Variants in OVCH1 observed in about 807,000 individuals in gnomAD.
The protein encoded by OVCH1 is ovochymase-1.
OVCH1 carries 139 observed loss-of-function variants against 138.4 expected under a neutral mutation model. The ratio of observed to expected loss-of-function variants is 1.00; its 90% CI spans 0.87 to 1.16. The LOEUF (loss-of-function observed/expected upper bound fraction) is 1.16. OVCH1 is among the 50% of genes most tolerant of loss of function. The probability of loss-of-function intolerance (pLI) is 0.00; values close to 1 mark genes in which losing one functional copy is unlikely to be tolerated. For missense variants in OVCH1, 1,367 were observed against 1,357.9 expected (o/e 1.01, Z -0.11); for synonymous variants, 453 against 467.8 (o/e 0.97, Z 0.41).
chr12:29,443,565 C>T, intron 24 of OVCH1, 65 bp from the exon 25 acceptor site: 2 of 1,424,406 alleles, frequency 1.4e-6, no homozygotes, highest in Non-Finnish European at 1.9e-6. Context: ...AGTTATTTTG[C>T]TCAGAAATTA....
chr12:29,445,268 C>T lies in OVCH1; in HGVS notation c.2881+10G>A. 1 of 1,601,214 alleles carries T rather than the reference C, an allele frequency of 6.2e-7. No homozygotes were observed. The highest frequency in any genetic ancestry group is 8.5e-7 in the Non-Finnish European group (1 of 1,173,426). On this transcript the variant is annotated intron_variant, in intron 23 of 27. Coordinates refer to ENST00000318184, the Ensembl canonical transcript of OVCH1. ...TAGCCTTTACAAGTTTATAAAATAA[C>T]CAAACATACCTAGGACTTTCAAGAC...
chr12:29,496,711 C>T (rs760894556), intron 1 of OVCH1, 37 bp from the exon 2 acceptor site: 12 of 1,455,922 alleles, frequency 8.2e-6, no homozygotes, highest in East Asian at 6.9e-5. Flanking sequence ...ACACACAGAG[C>T]CTTATGTAAG....
At chr12:29,424,909 A>T (rs973152601), downstream of OVCH1, among the ~76,000 whole-genome samples, 55 of 152,350 alleles carry the variant, frequency 3.6e-4, no homozygotes, top group African/African-American at 1.3e-3. Flanking sequence ...GCAAATTATT[A>T]GACAGATGGT....
chr12:29,492,014 G>A (rs1943286718), intron 4 of OVCH1, among the ~76,000 whole-genome samples: 2 of 152,140 alleles, frequency 1.3e-5, no homozygotes, highest in Admixed American at 6.5e-5. Context: ...TGGGTGAGAG[G>A]AGAAGAAACA....
intron 4 of OVCH1, 45 bp downstream of exon 4, chr12:29,495,239 AG>A: frequency 6.6e-7 from 1 of 1,516,856 alleles, no homozygotes; most frequent in Non-Finnish European, 9.0e-7. Flanking sequence ...CATAATTAGC[AG>A]TTTTCCTCCA....
At chr12:29,463,816 CCCT>C (rs1942221330) in intron 18 of OVCH1, among the ~76,000 whole-genome samples, 1 of 152,086 alleles carries the variant, frequency 6.6e-6, no homozygotes, top group Non-Finnish European at 1.5e-5. Flanking sequence ...AATATAAATT[CCCT>C]CCTCCTTCAA....
chr12:29,437,143 G>A (rs1941379189), intron 26 of OVCH1, among the ~76,000 whole-genome samples: 1 of 152,134 alleles, frequency 6.6e-6, no homozygotes, highest in Non-Finnish European at 1.5e-5. Context: ...GACACAGTGT[G>A]CTGATTGGTG....
At chr12:29,426,954 G>C (rs1033529203), downstream of OVCH1, among the ~76,000 whole-genome samples, 5 of 152,154 alleles carry the variant, frequency 3.3e-5, no homozygotes, top group Non-Finnish European at 7.4e-5. Context: ...ACATGGATTG[G>C]ACAGTGCAGG....
rs909831525 is a variant in OVCH1 at position 29,446,719 on chromosome 12, G to C, written c.2756-1316C>G. ...AATAATATAGTATATTATTGAAATAGTGCTATCAATTGGGAAGAAAAAGAC... is the reference window on the plus strand; with the variant it reads ...AATAATATAGTATATTATTGAAATACTGCTATCAATTGGGAAGAAAAAGAC... On this transcript the variant is annotated intron_variant, in intron 22 of 27. Coordinates refer to ENST00000318184, the Ensembl canonical transcript of OVCH1. Among the ~76,000 whole-genome samples the C allele has an allele frequency of 2.0e-5, 3 of 151,998 alleles. No individual in the cohort carries two copies. The East Asian group carries it at 5.8e-4, about 29-fold the overall frequency.
At chr12:29,415,790 C>T (rs1023035014) in intron 3 of OVCH1, among the ~76,000 whole-genome samples, 7 of 152,112 alleles carry the variant, frequency 4.6e-5, no homozygotes, top group Admixed American at 6.5e-5. Context: ...CTGTTGTAGA[C>T]ATAGCAAGCT....
At chr12:29,441,554 G>C (rs140112345) in intron 25 of OVCH1, among the ~76,000 whole-genome samples, 6,597 of 152,192 alleles carry the variant, frequency 0.043, 448 homozygotes, top group African/African-American at 0.14. Context: ...TCAGGACATA[G>C]ACATGGGCAA....
chr12:29,433,570 A>T (rs1193203741), intron 27 of OVCH1, among the ~76,000 whole-genome samples: 1 of 152,146 alleles, frequency 6.6e-6, no homozygotes, highest in Non-Finnish European at 1.5e-5. Context: ...ATTATTGACG[A>T]TCTCCATTAC....
chr12:29,482,117 G>A (rs533358341), intron 8 of OVCH1, among the ~76,000 whole-genome samples: 3 of 152,168 alleles, frequency 2.0e-5, no homozygotes, highest in South Asian at 4.1e-4. Flanking sequence ...TCCTCCAATG[G>A]CTCTCTAGCT....
At chr12:29,445,328 G>A in exon 23 of OVCH1, 2 of 1,611,670 alleles carry the variant, frequency 1.2e-6, no homozygotes, top group Non-Finnish European at 1.7e-6. Flanking sequence ...TCGTACAAGG[G>A]CATGGAATGT....
At chr12:29,415,652 CAAA>C (rs769050953) in intron 3 of OVCH1, among the ~76,000 whole-genome samples, 1 of 152,026 alleles carries the variant, frequency 6.6e-6, no homozygotes, top group Non-Finnish European at 1.5e-5. Flanking sequence ...AGATGGAAAT[CAAA>C]GAAGATCTAA....
At chr12:29,431,133 C>T (rs963647285) in intron 27 of OVCH1, among the ~76,000 whole-genome samples, 1 of 151,838 alleles carries the variant, frequency 6.6e-6, no homozygotes, top group African/African-American at 2.4e-5. Flanking sequence ...AAATAGAGTC[C>T]AAAGGAGGAG....
intron 27 of OVCH1, among the ~76,000 whole-genome samples, chr12:29,431,711 T>C (rs1418285050): frequency 6.6e-6 from 1 of 152,192 alleles, no homozygotes; most frequent in Admixed American, 6.5e-5. Context: ...ACAAAATGAG[T>C]CAGATCTTGA....
At chr12:29,426,299 G>A (rs1941178685), downstream of OVCH1, among the ~76,000 whole-genome samples, 1 of 152,138 alleles carries the variant, frequency 6.6e-6, no homozygotes, top group South Asian at 2.1e-4. Context: ...GCTTTAAAAG[G>A]AAGCAGAGAA....
At chr12:29,487,336 A>G (rs1485040019) in intron 7 of OVCH1, 1 of 178,410 alleles carries the variant, frequency 5.6e-6, no homozygotes, top group Non-Finnish European at 1.2e-5. Flanking sequence ...TTGAACAGGC[A>G]AAGTGGGAGA....
Sources: allele counts gnomAD v4.1 joint callset (sites outside exome capture counted in the v4.1 genomes callset), GRCh38; gene constraint gnomAD v4.1.1; transcripts MANE v1.5; gene names NCBI Gene and HGNC (gene_info 2026-07-23, HGNC 2026-07-21).